CSMD1: variants seen among roughly 807,000 people sequenced by gnomAD.
The protein encoded by CSMD1 is CUB and Sushi multiple domains 1.
A neutral mutation model predicts 417.5 loss-of-function variants in CSMD1; 213 were observed. The ratio of observed to expected loss-of-function variants is 0.51; its 90% confidence interval spans 0.46 to 0.57. The LOEUF (loss-of-function observed/expected upper bound fraction) is 0.57, where lower values mean the gene tolerates loss of function less well. Among genes scored for constraint, CSMD1 ranks in the 20% least tolerant of loss-of-function variants. The pLI, the probability that CSMD1 is intolerant of heterozygous loss-of-function variation, is 0.00. For missense variants in CSMD1, 6,923 were observed against 4,529.7 expected (o/e 1.53, Z -15.17); for synonymous variants, 2,862 against 1,736.8 (o/e 1.65, Z -16.11).
At chr8:4,605,240 C>T (rs1800804329) in intron 2 of CSMD1, among the ~76,000 whole-genome samples, 1 of 151,998 alleles carries the variant, frequency 6.6e-6, no homozygotes. Flanking sequence ...AAGGCAAATA[C>T]TAACGTTAGA....
chr8:3,028,381 C>G (rs766219323), intron 51 of CSMD1, among the ~76,000 whole-genome samples: 2 of 152,144 alleles, frequency 1.3e-5, no homozygotes, highest in South Asian at 4.1e-4. Context: ...GCTCTGCAAA[C>G]TCAGTGACCA....
At chr8:3,481,414 A>C (rs1257539092) in intron 11 of CSMD1, among the ~76,000 whole-genome samples, 1 of 152,136 alleles carries the variant, frequency 6.6e-6, no homozygotes, top group African/African-American at 2.4e-5. Context: ...AATTTCAAAA[A>C]GTTGAAGGGG....
At chr8:4,321,575 G>A (rs565603385) in intron 3 of CSMD1, among the ~76,000 whole-genome samples, 4 of 151,778 alleles carry the variant, frequency 2.6e-5, no homozygotes, top group Admixed American at 2.0e-4. Context: ...AATAAATGGT[G>A]TGAGTATCTG....
At position 3,261,148 on chromosome 8, in the gene CSMD1, A is replaced by G. The variant is rs117690033; in HGVS notation, c.4153+22996T>C. Among the ~76,000 whole-genome samples, 571 of 152,332 alleles carry G rather than the reference A, an allele frequency of 3.7e-3. 2 individuals carry two copies. The highest frequency in any genetic ancestry group is 6.4e-3 in the Non-Finnish European group (434 of 68,034). ...CCTTATAAGCACACTTAAATTTAAA[A>G]TTTCTACTATATATGTTTTCTAAAT... On this transcript the variant is annotated intron_variant, in intron 26 of 69. Coordinates refer to ENST00000635120, the MANE Select transcript of CSMD1 (RefSeq NM_033225.6).
intron 7 of CSMD1, among the ~76,000 whole-genome samples, chr8:3,675,498 T>G (rs1799325852): frequency 6.6e-6 from 1 of 152,164 alleles, no homozygotes. Context: ...CCCACCAAAA[T>G]TCATATGTTG....
chr8:4,173,851 T>G (rs1797896151), intron 3 of CSMD1, among the ~76,000 whole-genome samples: 1 of 152,158 alleles, frequency 6.6e-6, no homozygotes. Context: ...CCCTACTTCT[T>G]GGGAAGTCTC....
intron 7 of CSMD1, among the ~76,000 whole-genome samples, chr8:3,624,790 A>C (rs925983774): frequency 2.0e-5 from 3 of 152,212 alleles, no homozygotes; most frequent in African/African-American, 4.8e-5. Flanking sequence ...CAACAATGAC[A>C]GCTTTTTACT....
chr8:3,999,750 A>G (rs1815513397), intron 4 of CSMD1, among the ~76,000 whole-genome samples: 2 of 152,170 alleles, frequency 1.3e-5, no homozygotes, highest in Non-Finnish European at 2.9e-5. Flanking sequence ...TGAGAGGTAC[A>G]CTTGGAGGAA....
chr8:3,740,540 G>C (rs1048847826), intron 6 of CSMD1, among the ~76,000 whole-genome samples: 1 of 152,164 alleles, frequency 6.6e-6, no homozygotes, highest in Non-Finnish European at 1.5e-5. Context: ...AGACGGAAAG[G>C]AGAAGGATTT....
intron 20 of CSMD1, 101 bp from the exon 21 acceptor site, chr8:3,359,441 A>C (rs1187354387): frequency 6.7e-6 from 6 of 896,530 alleles, no homozygotes; most frequent in Non-Finnish European, 8.2e-6. Flanking sequence ...AAAAAAAAAA[A>C]AACCTACATA....
intron 1 of CSMD1, among the ~76,000 whole-genome samples, chr8:4,684,631 T>C (rs1371153069): frequency 6.6e-6 from 1 of 152,188 alleles, no homozygotes; most frequent in Non-Finnish European, 1.5e-5. Context: ...GGAATGATAT[T>C]AATTGAATGT....
chr8:4,334,000 C>A (rs1800019400), intron 3 of CSMD1, among the ~76,000 whole-genome samples: 1 of 152,020 alleles, frequency 6.6e-6, no homozygotes, highest in South Asian at 2.1e-4. Context: ...AAGCCATCCT[C>A]CCGCCTCAGA....
In CSMD1 at chr8:3,408,143, G is replaced by C. The variant is rs1033662695; in HGVS notation, c.1827C>G (p.Asn609Lys). The C allele has an allele frequency of 3.7e-6, 6 of 1,613,136 alleles. No homozygotes were observed. Among genetic ancestry groups the C allele is most frequent in the Non-Finnish European group, 5.1e-6 (6 of 1,179,512 alleles). ...NYPEEYGNNM[N>K]CVWLIISEPG... ...GCTCCGAGATAATCAACCAGACACA[G>C]TTCATGTTGTTCCCATATTCCTCTG... The change falls in exon 14 of 70, where the codon AAC becomes AAG. Residue 609 changes from asparagine to lysine, a missense_variant. Asn to Lys is a moderately conservative substitution (Grantham distance 94). Transcript: ENST00000635120.
chr8:4,217,236 C>T (rs1039925057), intron 3 of CSMD1, among the ~76,000 whole-genome samples: 3 of 152,162 alleles, frequency 2.0e-5, no homozygotes, highest in Non-Finnish European at 2.9e-5. Context: ...TATAAAAATG[C>T]TTCTATCTAG....
intron 10 of CSMD1, among the ~76,000 whole-genome samples, chr8:3,559,574 A>G (rs1799381622): frequency 6.6e-6 from 1 of 152,202 alleles, no homozygotes; most frequent in South Asian, 2.1e-4. Flanking sequence ...GTGTTTATAA[A>G]CACAGAGATA....
At chr8:4,534,370 G>A (rs531193829) in intron 2 of CSMD1, among the ~76,000 whole-genome samples, 2 of 152,182 alleles carry the variant, frequency 1.3e-5, no homozygotes, top group African/African-American at 4.8e-5. Context: ...CTCTGCCTTT[G>A]CATGGATGGT....
intron 3 of CSMD1, among the ~76,000 whole-genome samples, chr8:4,179,965 T>C (rs571533149): frequency 1.3e-5 from 2 of 152,034 alleles, no homozygotes; most frequent in African/African-American, 2.4e-5. Flanking sequence ...TAGGAACACT[T>C]TTACACTGTT....
At chr8:3,300,282 A>G (rs60359399) in intron 25 of CSMD1, among the ~76,000 whole-genome samples, 3,383 of 152,292 alleles carry the variant, frequency 0.022, 122 homozygotes, top group African/African-American at 0.076. Context: ...TTTGCATAGA[A>G]AAAATTTTAA....
chr8:4,932,834 T>A (rs1807333431), intron 1 of CSMD1, among the ~76,000 whole-genome samples: 1 of 152,224 alleles, frequency 6.6e-6, no homozygotes, highest in Admixed American at 6.5e-5. Flanking sequence ...GGTTCAAATT[T>A]TCAACTACAG....
Sources: allele counts gnomAD v4.1 joint callset (sites outside exome capture counted in the v4.1 genomes callset), GRCh38; gene constraint gnomAD v4.1.1; transcripts MANE v1.5; gene names NCBI Gene and HGNC (gene_info 2026-07-23, HGNC 2026-07-21).